The following SMTNL1 variants were observed in gnomAD, a reference collection of about 807,000 sequenced individuals.
SMTNL1 encodes smoothelin-like protein 1.
Under a neutral mutation model 46.6 loss-of-function variants are expected in SMTNL1, and 41 were observed. That is an observed-to-expected ratio of 0.88 (90% CI 0.69 to 1.14). SMTNL1 has a LOEUF of 1.14. SMTNL1 is among the 50% of genes most tolerant of loss of function. The pLI is 0.00. For missense variants in SMTNL1, 591 were observed against 626.1 expected, an observed-to-expected ratio of 0.94 and a Z score of 0.60; for synonymous variants, 234 against 234.2, an observed-to-expected ratio of 1.00 and a Z score of 0.01.
chr11:57,545,206 A>C (rs143180417), intron 4 of SMTNL1, among the ~76,000 whole-genome samples: 1 of 152,264 alleles, frequency 6.6e-6, no homozygotes, highest in African/African-American at 2.4e-5. Flanking sequence ...GATGCTTTAC[A>C]TTCACCTTCT....
At chr11:57,541,471 G>C (rs1944877170) in intron 1 of SMTNL1, 1 of 1,366,162 alleles carries the variant, frequency 7.3e-7, no homozygotes, top group Non-Finnish European at 9.8e-7. Flanking sequence ...TACTTAAATA[G>C]GAAACTCCGA....
chr11:57,541,901 T>C (rs950072123), intron 1 of SMTNL1, among the ~76,000 whole-genome samples: 7 of 152,098 alleles, frequency 4.6e-5, no homozygotes, highest in African/African-American at 1.7e-4. Flanking sequence ...TGTTATTCAA[T>C]TCTATCTAGA....
chr11:57,538,695 C>A (rs1944849722), intron 1 of SMTNL1, among the ~76,000 whole-genome samples: 1 of 152,156 alleles, frequency 6.6e-6, no homozygotes, highest in African/African-American at 2.4e-5. Flanking sequence ...GAGAGCCAGG[C>A]CACTTGTCCT....
chr11:57,544,070 C>T, intron 4 of SMTNL1, 150 bp downstream of exon 4: 1 of 885,100 alleles, frequency 1.1e-6, no homozygotes, highest in Admixed American at 2.6e-5. Flanking sequence ...CAGGGCAGAG[C>T]CCAGGAAACA....
rs544462317 is a variant in SMTNL1, at chr11:57,550,158, C to T, written c.*46C>T. Reference sequence around the variant, plus strand: ...GCAGAGATGGGCAGGGTGCCCAGCTCAGCAGCCACGGCCCGGGGGTTCCCT... The same window carrying T: ...GCAGAGATGGGCAGGGTGCCCAGCTTAGCAGCCACGGCCCGGGGGTTCCCT... On this transcript the variant is annotated 3_prime_UTR_variant, in exon 8 of 8. Transcript: ENST00000527972. 1.9e-6 allele frequency: 3 copies of T among 1,571,570 alleles called. No homozygotes were observed. In the East Asian group the frequency reaches 6.9e-5, roughly 36 times the overall value.
In SMTNL1 at chr11:57,546,625, A is replaced by C; in HGVS notation, c.1313A>C (p.Asn438Thr). 6.2e-7 allele frequency: 1 copy of C among 1,613,882 alleles called. No homozygotes were observed. The highest frequency in any genetic ancestry group is 1.3e-5 in the African/African-American group (1 of 75,054). Residue 438 changes from asparagine to threonine, a missense_variant, in exon 7 of 8, where the codon AAC (asparagine) becomes ACC (threonine). Physicochemically the swap from Asn to Thr is moderately conservative, Grantham distance 65. Coordinates refer to ENST00000527972, the MANE Select transcript of SMTNL1 (RefSeq NM_001105565.3). ...CTGGATCCCGCAAAGCGCCGGCACA[A>C]CTTCACCCTGGCCTTCTCCACAGCA... ...AELDPAKRRHNFTLAFSTAEK... is the reference protein window; with the variant it reads ...AELDPAKRRHTFTLAFSTAEK...
chr11:57,538,827 G>T (rs1944851080), intron 1 of SMTNL1, among the ~76,000 whole-genome samples: 1 of 152,224 alleles, frequency 6.6e-6, no homozygotes, highest in African/African-American at 2.4e-5. Context: ...CAGGGCCTCC[G>T]CAGCATAAGC....
At chr11:57,543,834 C>A in intron 3 of SMTNL1, 35 bp from the exon 4 acceptor site, 1 of 1,573,596 alleles carries the variant, frequency 6.4e-7, no homozygotes, top group Non-Finnish European at 8.6e-7. Flanking sequence ...CCATGGATAG[C>A]CCCAGCTTCC....
At position 57,545,902 on chromosome 11, in the gene SMTNL1, G is replaced by A. The variant is rs755780704; in HGVS notation, c.939G>A (p.Val313=). Residue 313 remains valine, a synonymous_variant, in exon 5 of 8, where the codon GTG becomes GTA. Coordinates refer to ENST00000527972, the MANE Select transcript of SMTNL1 (RefSeq NM_001105565.3). ...ATAGTGAGTCTTCACCCAGCGACGT[G>A]CCCCAGAGTCCCCCTGAGTCCCCTT... The part of the protein sequence containing the change: ...PSASESSPSD[V]PQSPPESPSS... 1.9e-6 allele frequency: 3 copies of A among 1,613,276 alleles called. No individual in the cohort carries two copies. Among genetic ancestry groups the A allele is most frequent in the African/African-American group, 2.7e-5 (2 of 74,902 alleles).
rs1944924901 is a variant in SMTNL1, at chr11:57,546,519, T to A, written c.1207T>A (p.Phe403Ile). The A allele has an allele frequency of 6.2e-7, 1 of 1,614,210 alleles. No individual in the cohort carries two copies. Among genetic ancestry groups the A allele is most frequent in the Admixed American group, 1.7e-5 (1 of 60,028 alleles). The change falls in exon 7 of 8, where the codon TTC (phenylalanine) becomes ATC (isoleucine). Residue 403 changes from phenylalanine (F) to isoleucine (I), a missense_variant. By Grantham distance (21) the Phe-to-Ile change is conservative. Coordinates refer to ENST00000527972, the MANE Select transcript of SMTNL1 (RefSeq NM_001105565.3). ...GCCATAGCATGTGGACATCCAGAAC[T>A]TCTCCTCCAGCTGGAGCAGTGGTAT... Reference protein sequence around the residue: ...KKYEHVDIQNFSSSWSSGMAF... With the variant: ...KKYEHVDIQNISSSWSSGMAF...
chr11:57,542,139 C>CA (rs755994227), intron 1 of SMTNL1, among the ~76,000 whole-genome samples: 73 of 148,706 alleles, frequency 4.9e-4, no homozygotes, highest in African/African-American at 1.4e-3. Context: ...CACACACACA[C>CA]ACACAAAAAT....
chr11:57,550,211 G>A lies in SMTNL1; in HGVS notation c.*99G>A, dbSNP rs78872867. On this transcript the variant is annotated 3_prime_UTR_variant, in exon 8 of 8. Coordinates refer to ENST00000527972, the MANE Select transcript of SMTNL1 (RefSeq NM_001105565.3). ...TGCTCCATGGAGGCACCAGAGCCAGGGGCTTAGGCAAGGGTGTGTGGCGTT... is the reference window on the plus strand; with the variant it reads ...TGCTCCATGGAGGCACCAGAGCCAGAGGCTTAGGCAAGGGTGTGTGGCGTT... 2.2e-3 allele frequency: 2,829 copies of A among 1,304,848 alleles called. 56 individuals carry two copies. In the African/African-American group the frequency reaches 0.038, roughly 18 times the overall value. The allele number at this position is 1,304,848 out of a possible 1,614,324, so 80.8% of individuals were successfully genotyped here.
chr11:57,543,525 C>T (rs1229866599), intron 2 of SMTNL1, 99 bp from the exon 3 acceptor site: 12 of 1,529,356 alleles, frequency 7.8e-6, no homozygotes, highest in Non-Finnish European at 9.7e-6. Flanking sequence ...GAGTGCAGCA[C>T]CGTAGTCCCA....
chr11:57,543,149 G>A lies in SMTNL1; in HGVS notation c.507G>A (p.Glu169=), dbSNP rs762541153. Residue 169 remains glutamate (E), a synonymous_variant, in exon 2 of 8, where the codon GAG becomes GAA. Transcript: ENST00000527972. Reference sequence around the variant, plus strand: ...AACCTAAGGCAACAGTTGAGGAGGAGGACGCCAAGACAGCCTCTCAGGAGG... The same window carrying A: ...AACCTAAGGCAACAGTTGAGGAGGAAGACGCCAAGACAGCCTCTCAGGAGG... ...KPEPKATVEE[E]DAKTASQEET... 6.2e-7 allele frequency: 1 copy of A among 1,613,462 alleles called. No individual in the cohort carries two copies. The highest frequency in any genetic ancestry group is 2.2e-5 in the East Asian group (1 of 44,860).
At chr11:57,546,859 G>A (rs571617787) in intron 7 of SMTNL1, among the ~76,000 whole-genome samples, 32 of 152,280 alleles carry the variant, frequency 2.1e-4, no homozygotes, top group African/African-American at 7.2e-4. Flanking sequence ...TGAGTCAAGC[G>A]CAGTGGCTCA....
chr11:57,543,558 A>T, intron 2 of SMTNL1, 66 bp from the exon 3 acceptor site: 1 of 1,564,250 alleles, frequency 6.4e-7, no homozygotes, highest in East Asian at 2.3e-5. Flanking sequence ...GAACTTTCTG[A>T]AGTCCTCATG....
chr11:57,544,919 C>A (rs1432207655), intron 4 of SMTNL1, among the ~76,000 whole-genome samples: 1 of 150,702 alleles, frequency 6.6e-6, no homozygotes, highest in African/African-American at 2.4e-5. Flanking sequence ...TCACTGCAAC[C>A]TCTGCCTCCC....
intron 7 of SMTNL1, among the ~76,000 whole-genome samples, chr11:57,546,979 A>G (rs1944928119): frequency 6.6e-6 from 1 of 152,058 alleles, no homozygotes; most frequent in South Asian, 2.1e-4. Flanking sequence ...ACAAAAAATC[A>G]AAAAATTAGC....
In SMTNL1 at chr11:57,542,960, G is replaced by C. The variant is rs771196479; in HGVS notation, c.318G>C (p.Val106=). The change falls in exon 2 of 8, where the codon GTG becomes GTC. Residue 106 remains valine (V), a synonymous_variant. Coordinates refer to ENST00000527972, the MANE Select transcript of SMTNL1 (RefSeq NM_001105565.3). The part of the protein sequence containing the change: ...KEDGEKEETT[V]GSQEMTGRKE... ...ATGGTGAGAAGGAAGAGACCACTGTGGGTTCTCAGGAGATGACTGGCAGGA... is the reference window on the plus strand; with the variant it reads ...ATGGTGAGAAGGAAGAGACCACTGTCGGTTCTCAGGAGATGACTGGCAGGA... 1.9e-6 allele frequency: 3 copies of C among 1,602,414 alleles called. No individual in the cohort carries two copies. The highest frequency in any genetic ancestry group is 2.6e-6 in the Non-Finnish European group (3 of 1,174,430).
Sources: allele counts gnomAD v4.1 joint callset (sites outside exome capture counted in the v4.1 genomes callset), GRCh38; gene constraint gnomAD v4.1.1; transcripts MANE v1.5; gene names NCBI Gene and HGNC (gene_info 2026-07-23, HGNC 2026-07-21).